RBFOX1: variants seen among roughly 807,000 people sequenced by gnomAD.
RBFOX1 encodes the protein RNA binding protein fox-1 homolog 1.
A neutral mutation model predicts 57.7 loss-of-function variants in RBFOX1; 8 were observed. The ratio of observed to expected loss-of-function variants is 0.14; its 90% CI spans 0.08 to 0.25. RBFOX1 has a LOEUF of 0.25. Among genes scored for constraint, RBFOX1 ranks in the 10% least tolerant of loss-of-function variants. The pLI is 1.00. For synonymous variants in RBFOX1, 326 were observed against 222.4 expected, an observed-to-expected ratio of 1.47 and a Z score of -4.15; for missense variants, 611 against 548.5, an observed-to-expected ratio of 1.11 and a Z score of -1.14.
chr16:5,850,921 G>T (rs908010928), intron 3 of RBFOX1, among the ~76,000 whole-genome samples: 1 of 152,216 alleles, frequency 6.6e-6, no homozygotes, highest in Non-Finnish European at 1.5e-5. Context: ...CAGGTGCGCA[G>T]CCTGGCTGGA....
chr16:6,805,957 A>G (rs980786679), intron 3 of RBFOX1, among the ~76,000 whole-genome samples: 12 of 152,206 alleles, frequency 7.9e-5, no homozygotes, highest in Admixed American at 7.2e-4. Flanking sequence ...CCAAAAGCCA[A>G]GCTGGAAAAG....
chr16:5,460,050 T>C (rs1363365324), intron 1 of RBFOX1, among the ~76,000 whole-genome samples: 2 of 152,182 alleles, frequency 1.3e-5, no homozygotes, highest in East Asian at 3.9e-4. Flanking sequence ...TAAAAGTCAA[T>C]GATGAGTCTC....
intron 2 of RBFOX1, among the ~76,000 whole-genome samples, chr16:5,523,574 G>T (rs1467612538): frequency 2.0e-5 from 3 of 152,194 alleles, no homozygotes; most frequent in Non-Finnish European, 4.4e-5. Flanking sequence ...CCACGAACAT[G>T]CCGCTGCACT....
At chr16:6,387,204 A>G (rs1476902979) in intron 2 of RBFOX1, among the ~76,000 whole-genome samples, 1 of 152,174 alleles carries the variant, frequency 6.6e-6, no homozygotes, top group Non-Finnish European at 1.5e-5. Flanking sequence ...AAGTTCAACC[A>G]CTGGCTTTCA....
chr16:5,448,545 C>A (rs1192420703), intron 1 of RBFOX1, among the ~76,000 whole-genome samples: 3 of 152,182 alleles, frequency 2.0e-5, no homozygotes, highest in Non-Finnish European at 4.4e-5. Context: ...TTCTGGGTCT[C>A]CTCTGTGCAG....
intron 3 of RBFOX1, among the ~76,000 whole-genome samples, chr16:6,738,382 G>A (rs1191185428): frequency 6.6e-6 from 1 of 152,126 alleles, no homozygotes; most frequent in Non-Finnish European, 1.5e-5. Context: ...CAAGGCACCT[G>A]TCATTCTGAG....
intron 3 of RBFOX1, among the ~76,000 whole-genome samples, chr16:5,708,683 C>G (rs939880960): frequency 6.6e-6 from 1 of 152,164 alleles, no homozygotes; most frequent in African/African-American, 2.4e-5. Flanking sequence ...ACACATGCCA[C>G]CTACCATTGG....
chr16:6,581,338 C>T (rs1389581848), intron 2 of RBFOX1, among the ~76,000 whole-genome samples: 2 of 152,200 alleles, frequency 1.3e-5, no homozygotes, highest in Non-Finnish European at 2.9e-5. Flanking sequence ...AGCACCCTTG[C>T]CTTCCTCTTT....
At chr16:6,403,359 C>G (rs1485540682) in intron 2 of RBFOX1, among the ~76,000 whole-genome samples, 3 of 152,114 alleles carry the variant, frequency 2.0e-5, no homozygotes, top group African/African-American at 7.2e-5. Flanking sequence ...TCCCTCTAAT[C>G]TTATCAGAGA....
intron 1 of RBFOX1, among the ~76,000 whole-genome samples, chr16:5,292,597 G>C (rs753505937): frequency 6.6e-6 from 1 of 152,008 alleles, no homozygotes; most frequent in Non-Finnish European, 1.5e-5. Context: ...GGAGTCAATG[G>C]AGTGATTCTA....
At chr16:5,999,169 G>A (rs2060542850) in intron 4 of RBFOX1, among the ~76,000 whole-genome samples, 1 of 152,116 alleles carries the variant, frequency 6.6e-6, no homozygotes, top group African/African-American at 2.4e-5. Context: ...TCCTTAGAAT[G>A]CATGCCCAGC....
chr16:6,895,870 T>C (rs906449124), intron 3 of RBFOX1, among the ~76,000 whole-genome samples: 1 of 152,120 alleles, frequency 6.6e-6, no homozygotes, highest in Non-Finnish European at 1.5e-5. Flanking sequence ...AAGATCATCA[T>C]AGTACTCATC....
At chr16:5,544,342 G>A (rs957874693) in intron 2 of RBFOX1, among the ~76,000 whole-genome samples, 6 of 152,108 alleles carry the variant, frequency 3.9e-5, no homozygotes, top group Admixed American at 2.6e-4. Flanking sequence ...GGAGAAAGGG[G>A]TTAAAGAGAA....
chr16:7,664,068 G>C (rs968505783), intron 12 of RBFOX1, among the ~76,000 whole-genome samples: 1 of 152,132 alleles, frequency 6.6e-6, no homozygotes, highest in African/African-American at 2.4e-5. Flanking sequence ...GTGGGTCTTT[G>C]TTTAGTCTAG....
chr16:6,788,091 G>A (rs1481438771), intron 3 of RBFOX1, among the ~76,000 whole-genome samples: 4 of 152,056 alleles, frequency 2.6e-5, no homozygotes, highest in South Asian at 2.1e-4. Flanking sequence ...GTGTGGTGGC[G>A]CATGCCTGTA....
At chr16:7,038,870 A>C (rs1011177273) in intron 3 of RBFOX1, among the ~76,000 whole-genome samples, 1 of 152,186 alleles carries the variant, frequency 6.6e-6, no homozygotes, top group Non-Finnish European at 1.5e-5. Context: ...CCTCCCAAGA[A>C]AACACCTCAT....
intron 3 of RBFOX1, among the ~76,000 whole-genome samples, chr16:5,699,765 G>A (rs941522577): frequency 6.6e-6 from 1 of 152,164 alleles, no homozygotes; most frequent in Non-Finnish European, 1.5e-5. Context: ...CAATGCCAAG[G>A]TTGAGAAATC....
chr16:7,574,465 G>C (rs7205438), intron 5 of RBFOX1, among the ~76,000 whole-genome samples: 1 of 151,702 alleles, frequency 6.6e-6, no homozygotes, highest in Non-Finnish European at 1.5e-5. Context: ...CAAAAGTAGG[G>C]AAGCCAACAG....
At chr16:5,469,272 C>T (rs1453599969) in intron 2 of RBFOX1, among the ~76,000 whole-genome samples, 2 of 152,098 alleles carry the variant, frequency 1.3e-5, no homozygotes, top group South Asian at 4.2e-4. Flanking sequence ...TGCTCATTCC[C>T]CAGCACACCC....
Sources: allele counts gnomAD v4.1 joint callset (sites outside exome capture counted in the v4.1 genomes callset), GRCh38; gene constraint gnomAD v4.1.1; transcripts MANE v1.5; gene names NCBI Gene and HGNC (gene_info 2026-07-23, HGNC 2026-07-21).